Variants in ZSWIM6 observed in about 807,000 individuals in gnomAD.
ZSWIM6 encodes zinc finger SWIM domain-containing protein 6.
A neutral mutation model predicts 113.2 loss-of-function variants in ZSWIM6; 9 were observed. The observed-to-expected ratio is 0.08, with a 90% CI of 0.05 to 0.14. The LOEUF (loss-of-function observed/expected upper bound fraction) is 0.14. Ranked by LOEUF, ZSWIM6 falls within the 10% of genes least tolerant of loss-of-function variation. The pLI, the probability that ZSWIM6 is intolerant of heterozygous loss-of-function variation, is 1.00. For missense variants in ZSWIM6, 1,162 were observed against 1,552.2 expected, an observed-to-expected ratio of 0.75 and a Z score of 4.22; for synonymous variants, 611 against 606.5, an observed-to-expected ratio of 1.01 and a Z score of -0.11.
At chr5:61,512,528 T>C (rs1748817886) in intron 4 of ZSWIM6, among the ~76,000 whole-genome samples, 1 of 152,166 alleles carries the variant, frequency 6.6e-6, no homozygotes, top group South Asian at 2.1e-4. Flanking sequence ...TTTAACTTCA[T>C]GTGAAACCGC....
At chr5:61,375,776 C>T in intron 1 of ZSWIM6, 1 of 1,514,372 alleles carries the variant, frequency 6.6e-7, no homozygotes, top group South Asian at 1.2e-5. Context: ...ACAGAAAAAA[C>T]AAAAAAGAAA....
At chr5:61,487,905 C>T (rs1748064250) in intron 2 of ZSWIM6, among the ~76,000 whole-genome samples, 1 of 151,982 alleles carries the variant, frequency 6.6e-6, no homozygotes, top group Admixed American at 6.6e-5. Flanking sequence ...GTAGGACTTC[C>T]AGCATTATGT....
At chr5:61,509,436 C>T (rs73107480) in intron 4 of ZSWIM6, among the ~76,000 whole-genome samples, 5,398 of 152,050 alleles carry the variant, frequency 0.036, 337 homozygotes, top group African/African-American at 0.12. Context: ...AGAGGGAAGC[C>T]GAAGGAAGAG....
chr5:61,539,768 C>T lies in ZSWIM6; in HGVS notation c.2703+9C>T. On this transcript the variant is annotated intron_variant, in intron 12 of 13. Transcript: ENST00000252744. Reference sequence around the variant, plus strand: ...TGGAGCTGGGCCTGCAGGTACATGACTGGTAGTCTTTCCTGGGACATCAAA... The same window carrying T: ...TGGAGCTGGGCCTGCAGGTACATGATTGGTAGTCTTTCCTGGGACATCAAA... The T allele has an allele frequency of 6.5e-7, 1 of 1,547,164 alleles. No individual in the cohort carries two copies. The highest frequency in any genetic ancestry group is 8.7e-7 in the Non-Finnish European group (1 of 1,144,536).
intron 4 of ZSWIM6, among the ~76,000 whole-genome samples, chr5:61,519,773 T>A (rs1213462865): frequency 6.6e-6 from 1 of 152,140 alleles, no homozygotes; most frequent in East Asian, 1.9e-4. Context: ...CCCAACCTTT[T>A]TGGCACCAGG....
intron 1 of ZSWIM6, among the ~76,000 whole-genome samples, chr5:61,398,940 T>G (rs13173387): frequency 0.15 from 14,748 of 101,420 alleles, 958 homozygotes; most frequent in Middle Eastern, 0.19. Flanking sequence ...TTTTTTTTTT[T>G]GAGACAGAAT....
chr5:61,451,994 T>C (rs554865159), intron 1 of ZSWIM6, among the ~76,000 whole-genome samples: 103 of 152,292 alleles, frequency 6.8e-4, no homozygotes, highest in African/African-American at 2.4e-3. Flanking sequence ...GAACACTTAG[T>C]ACCCGCTACT....
chr5:61,422,769 T>G (rs1488156352), intron 1 of ZSWIM6, among the ~76,000 whole-genome samples: 7 of 152,326 alleles, frequency 4.6e-5, no homozygotes, highest in Middle Eastern at 3.4e-3. Flanking sequence ...ATTTTCATTC[T>G]AGAGATCTTT....
chr5:61,353,377 A>T (rs768807110), intron 1 of ZSWIM6, among the ~76,000 whole-genome samples: 5 of 152,212 alleles, frequency 3.3e-5, no homozygotes, highest in Non-Finnish European at 7.3e-5. Context: ...GGAAACAGAT[A>T]TGTTAAGTCA....
At chr5:61,424,940 C>T (rs1000683089) in intron 1 of ZSWIM6, among the ~76,000 whole-genome samples, 5 of 152,052 alleles carry the variant, frequency 3.3e-5, no homozygotes, top group African/African-American at 9.7e-5. Flanking sequence ...GTTGACCAGG[C>T]TGGTCTCGAA....
At chr5:61,420,850 A>G (rs1478593089) in intron 1 of ZSWIM6, among the ~76,000 whole-genome samples, 1 of 152,130 alleles carries the variant, frequency 6.6e-6, no homozygotes, top group African/African-American at 2.4e-5. Context: ...TTTAAAATGT[A>G]AAATTAAATT....
intron 1 of ZSWIM6, among the ~76,000 whole-genome samples, chr5:61,342,898 TA>T (rs572438740): frequency 3.8e-4 from 58 of 150,864 alleles, no homozygotes; most frequent in Non-Finnish European, 6.7e-4. Flanking sequence ...ACTACTACAT[TA>T]AAAAAAAATG....
At chr5:61,538,490 G>A (rs1053215700) in intron 10 of ZSWIM6, among the ~76,000 whole-genome samples, 1 of 152,120 alleles carries the variant, frequency 6.6e-6, no homozygotes, top group African/African-American at 2.4e-5. Context: ...GTGTTTAAAA[G>A]TTCTTCGGTG....
intron 1 of ZSWIM6, among the ~76,000 whole-genome samples, chr5:61,339,168 T>G (rs1012882250): frequency 6.6e-6 from 1 of 152,206 alleles, no homozygotes; most frequent in African/African-American, 2.4e-5. Flanking sequence ...AATGACATGT[T>G]TTGTTTTATA....
rs554100724 is a variant in ZSWIM6, at chr5:61,525,958, G to A, written c.1672G>A (p.Gly558Arg). Residue 558 changes from glycine to arginine, a missense_variant, in exon 6 of 14, where the codon GGG becomes AGG. Gly to Arg is a moderately radical substitution (Grantham distance 125). Around this residue, in one of 4 missense-constraint regions of ZSWIM6, gnomAD observed 620 missense variants for 804.6 expected, o/e 0.77. Coordinates refer to ENST00000252744, the MANE Select transcript of ZSWIM6 (RefSeq NM_020928.2). ...DTENSLFDSRGWPLWHEHVPT... is the reference protein window; with the variant it reads ...DTENSLFDSRRWPLWHEHVPT... ...TGAAAACTCCCTCTTCGACTCCCGC[G>A]GGTGGCCCCTCTGGCATGGTAAGTG... is the stretch of plus-strand genomic sequence containing the variant. 23 of 1,552,078 alleles carry A rather than the reference G, an allele frequency of 1.5e-5. No individual in the cohort carries two copies. In the South Asian group the frequency reaches 1.5e-4, roughly 10 times the overall value.
intron 1 of ZSWIM6, among the ~76,000 whole-genome samples, chr5:61,453,740 A>G (rs1189533802): frequency 6.6e-6 from 1 of 151,652 alleles, no homozygotes; most frequent in Non-Finnish European, 1.5e-5. Flanking sequence ...TTATTATTAG[A>G]AGGGAGTCAC....
chr5:61,470,008 A>G (rs1372380896), intron 1 of ZSWIM6, among the ~76,000 whole-genome samples: 1 of 152,190 alleles, frequency 6.6e-6, no homozygotes, highest in African/African-American at 2.4e-5. Context: ...CTCCTGGCCA[A>G]TAGTTAAATC....
At chr5:61,532,991 T>A (rs1335944720) in intron 9 of ZSWIM6, among the ~76,000 whole-genome samples, 1 of 152,258 alleles carries the variant, frequency 6.6e-6, no homozygotes, top group Non-Finnish European at 1.5e-5. Flanking sequence ...AAAGAAGATC[T>A]GTGATTTTCA....
chr5:61,500,049 G>A (rs1040545436), intron 4 of ZSWIM6, among the ~76,000 whole-genome samples: 2 of 151,618 alleles, frequency 1.3e-5, no homozygotes, highest in African/African-American at 4.8e-5. Context: ...TTTAATCCCA[G>A]GTGTCAGTGA....
Sources: allele counts gnomAD v4.1 joint callset (sites outside exome capture counted in the v4.1 genomes callset), GRCh38; gene constraint gnomAD v4.1.1; regional missense constraint gnomAD v4.1.1; transcripts MANE v1.5; gene names NCBI Gene and HGNC (gene_info 2026-07-23, HGNC 2026-07-21).